The following PAH variants were observed in gnomAD, a reference collection of about 807,000 sequenced individuals.
PAH encodes the protein phenylalanine hydroxylase.
Under a neutral mutation model 62.0 loss-of-function variants are expected in PAH, and 64 were observed. That is an observed-to-expected ratio of 1.03 (90% confidence interval 0.84 to 1.27). The LOEUF is 1.27. Among genes scored for constraint, PAH ranks in the 50% most tolerant of loss-of-function variants. PAH has a pLI of 0.00. For synonymous variants in PAH, 195 were observed against 196.2 expected, an observed-to-expected ratio of 0.99 and a Z score of 0.05; for missense variants, 579 against 542.8, an observed-to-expected ratio of 1.07 and a Z score of -0.66.
intron 1 of PAH, among the ~76,000 whole-genome samples, chr12:102,939,488 A>G (rs1879217718): frequency 6.6e-6 from 1 of 152,144 alleles, no homozygotes; most frequent in African/African-American, 2.4e-5. Context: ...AGCTCCCAGA[A>G]GCAACTGACA....
chr12:102,920,973 C>T (rs35305416), upstream of PAH, among the ~76,000 whole-genome samples: 3 of 152,160 alleles, frequency 2.0e-5, no homozygotes, highest in Non-Finnish European at 4.4e-5. Context: ...CCAAACAATA[C>T]TGTGATAAAT....
At chr12:102,949,835 T>G (rs946552923) in intron 1 of PAH, among the ~76,000 whole-genome samples, 2 of 152,124 alleles carry the variant, frequency 1.3e-5, no homozygotes, top group Admixed American at 1.3e-4. Context: ...TCTCCATGGT[T>G]GCCCCCACCG....
chr12:102,882,691 T>G (rs1479748380), intron 3 of PAH, among the ~76,000 whole-genome samples: 1 of 146,832 alleles, frequency 6.8e-6, no homozygotes, highest in African/African-American at 2.5e-5. Context: ...TTTTTTCTAC[T>G]GTATCCTTAG....
chr12:102,946,119 C>G (rs1300046907), intron 1 of PAH: 2 of 152,228 alleles, frequency 1.3e-5, no homozygotes, highest in Non-Finnish European at 2.9e-5. Context: ...TGTAGCTGAG[C>G]TGATATTCAA....
chr12:102,948,174 G>A (rs1359205524), intron 1 of PAH, among the ~76,000 whole-genome samples: 1 of 152,082 alleles, frequency 6.6e-6, no homozygotes, highest in Non-Finnish European at 1.5e-5. Flanking sequence ...TTTTTTTTAG[G>A]ATGGGAAGGT....
intron 1 of PAH, among the ~76,000 whole-genome samples, chr12:102,915,537 CCAGA>C (rs1296099002): frequency 6.6e-6 from 1 of 152,222 alleles, no homozygotes; most frequent in Admixed American, 6.5e-5. Flanking sequence ...GGTCCAGTCA[CCAGA>C]CAGTTAGTCA....
intron 1 of PAH, among the ~76,000 whole-genome samples, chr12:102,931,704 T>C (rs1878882017): frequency 6.6e-6 from 1 of 152,192 alleles, no homozygotes; most frequent in Admixed American, 6.5e-5. Context: ...GTTAGCACCC[T>C]GTTGACATTC....
intron 1 of PAH, among the ~76,000 whole-genome samples, chr12:102,914,787 T>A (rs1878325236): frequency 6.6e-6 from 1 of 152,218 alleles, no homozygotes. Context: ...CAGACTTGAA[T>A]GTACCTGGGC....
At chr12:102,858,535 A>C (rs1875551815) in intron 5 of PAH, among the ~76,000 whole-genome samples, 2 of 152,242 alleles carry the variant, frequency 1.3e-5, no homozygotes, top group South Asian at 4.1e-4. Flanking sequence ...TCTTCTCACC[A>C]CATTGCACTC....
At chr12:102,949,052 A>T (rs114828111) in intron 1 of PAH, among the ~76,000 whole-genome samples, 1 of 152,006 alleles carries the variant, frequency 6.6e-6, no homozygotes, top group African/African-American at 2.4e-5. Context: ...CGACCCACAC[A>T]ACTCGCAGAA....
Position 102,866,632 on chromosome 12 carries a change from C to T in PAH, c.473G>A (p.Arg158Gln), listed in dbSNP as rs5030843. ...GTAGGCAATGTCAGCAAACTGCTTC[C>T]GTCTTGCACGGTACACAGGATCTTT... Reference protein sequence around the residue: ...GFKDPVYRARRKQFADIAYNY... With the variant: ...GFKDPVYRARQKQFADIAYNY... Residue 158 changes from arginine to glutamine, a missense_variant, in exon 5 of 13, where the codon CGG (arginine) becomes CAG (glutamine). By Grantham distance (43) the Arg-to-Gln change is conservative. Transcript: ENST00000553106. The T allele has an allele frequency of 1.4e-4, 225 of 1,613,598 alleles. No individual in the cohort carries two copies. Among genetic ancestry groups the T allele is most frequent in the Non-Finnish European group, 1.8e-4 (215 of 1,179,736 alleles).
chr12:102,905,500 G>C (rs956154284), intron 2 of PAH, among the ~76,000 whole-genome samples: 13 of 152,034 alleles, frequency 8.6e-5, no homozygotes, highest in Admixed American at 2.6e-4. Flanking sequence ...GTGTCATTCT[G>C]CTTTCTCATA....
intron 5 of PAH, among the ~76,000 whole-genome samples, chr12:102,856,299 A>G (rs1209978695): frequency 1.3e-5 from 2 of 152,146 alleles, no homozygotes; most frequent in African/African-American, 4.8e-5. Context: ...TCTGATGCAA[A>G]CTATAGTTTA....
chr12:102,870,283 G>T (rs1373113902), intron 4 of PAH, among the ~76,000 whole-genome samples: 1 of 152,192 alleles, frequency 6.6e-6, no homozygotes, highest in Non-Finnish European at 1.5e-5. Context: ...TTAGGCTAGT[G>T]AGAACACAGG....
chr12:102,944,823 T>C (rs554753908), intron 1 of PAH, among the ~76,000 whole-genome samples: 20 of 152,344 alleles, frequency 1.3e-4, no homozygotes, highest in African/African-American at 4.8e-4. Flanking sequence ...ATCTAGTTCA[T>C]TGGTGTCTGG....
intron 1 of PAH, among the ~76,000 whole-genome samples, chr12:102,939,737 C>G (rs73395430): frequency 0.032 from 4,803 of 152,254 alleles, 263 homozygotes; most frequent in African/African-American, 0.11. Flanking sequence ...ATTGGCAGTG[C>G]TTATGCTTTT....
intron 1 of PAH, among the ~76,000 whole-genome samples, chr12:102,949,322 T>C (rs1251602244): frequency 1.3e-5 from 2 of 152,194 alleles, no homozygotes; most frequent in Non-Finnish European, 2.9e-5. Flanking sequence ...ATCATTTGCC[T>C]AATGAAGGTT....
intron 3 of PAH, among the ~76,000 whole-genome samples, chr12:102,878,975 G>A (rs1032582926): frequency 6.6e-6 from 1 of 152,074 alleles, no homozygotes; most frequent in Admixed American, 6.5e-5. Flanking sequence ...TAGACGTGGT[G>A]GGAACCCTGA....
intron 9 of PAH, among the ~76,000 whole-genome samples, chr12:102,844,912 C>G (rs1171904463): frequency 1.3e-5 from 2 of 152,142 alleles, no homozygotes; most frequent in African/African-American, 4.8e-5. Context: ...CTCCAGCTTG[C>G]AGGCAGCATA....
Sources: gnomAD v4.1 joint callset for allele counts (sites outside exome capture counted in the v4.1 genomes callset) on GRCh38, gnomAD v4.1.1 for gene constraint, MANE v1.5 for transcripts, NCBI Gene and HGNC (gene_info 2026-07-23, HGNC 2026-07-21) for gene names.